The following KDM4B variants were observed in gnomAD, a reference collection of about 807,000 sequenced individuals.
KDM4B encodes lysine demethylase 4B, also known as lysine-specific demethylase 4B.
KDM4B carries 32 observed loss-of-function variants against 125.2 expected under a neutral mutation model. The observed-to-expected ratio is 0.26, with a 90% CI of 0.19 to 0.34. The LOEUF (loss-of-function observed/expected upper bound fraction) is 0.34. Ranked by LOEUF, KDM4B falls within the 10% of genes least tolerant of loss-of-function variation. KDM4B has a pLI of 1.00. For synonymous variants in KDM4B, 721 were observed against 677.9 expected (o/e 1.06, Z -0.99); for missense variants, 1,190 against 1,577.7 (o/e 0.75, Z 4.16).
intron 1 of KDM4B, among the ~76,000 whole-genome samples, chr19:5,004,576 C>T (rs1057504684): frequency 2.6e-5 from 4 of 152,174 alleles, no homozygotes; most frequent in Admixed American, 6.5e-5. Flanking sequence ...CCCTGTGACC[C>T]GGTGTGCATG....
chr19:5,041,219 G>A lies in KDM4B; in HGVS notation c.400G>A (p.Gly134Arg). Residue 134 changes from glycine to arginine, a missense_variant, in exon 5 of 23, where the codon GGG becomes AGG. Gly to Arg is a moderately radical substitution (Grantham distance 125). This residue lies in a region of KDM4B where 139 missense variants were observed against 248.3 expected (regional missense o/e 0.56). Coordinates refer to ENST00000159111, the MANE Select transcript of KDM4B (RefSeq NM_015015.3). The part of the protein sequence containing the change: ...KNLTFVSPIY[G>R]ADISGSLYDD... The stretch of plus-strand genomic sequence containing the variant: ...CCTCACCTTTGTCTCCCCGATCTAC[G>A]GGGCTGACATCAGCGGCTCTTTGTA... 6.2e-7 allele frequency: 1 copy of A among 1,613,110 alleles called. No individual in the cohort carries two copies. The highest frequency in any genetic ancestry group is 1.1e-5 in the South Asian group (1 of 91,056).
chr19:5,031,995 G>A (rs757885594), intron 2 of KDM4B, among the ~76,000 whole-genome samples: 1 of 152,216 alleles, frequency 6.6e-6, no homozygotes, highest in Non-Finnish European at 1.5e-5. Flanking sequence ...CCGAATCCTA[G>A]AGGGATTCTG....
intron 2 of KDM4B, among the ~76,000 whole-genome samples, chr19:5,030,082 G>A (rs1248354669): frequency 6.6e-6 from 1 of 152,224 alleles, no homozygotes; most frequent in Non-Finnish European, 1.5e-5. Context: ...ACCCCACGAG[G>A]TGTGGGGAGC....
At chr19:4,979,622 G>T in intron 1 of KDM4B, among the ~76,000 whole-genome samples, 1 of 152,182 alleles carries the variant, frequency 6.6e-6, no homozygotes, top group East Asian at 1.9e-4. Context: ...AGTCTAGTTG[G>T]CAAGTCTAGA....
chr19:4,972,888 T>G (rs2034309512), intron 1 of KDM4B, among the ~76,000 whole-genome samples: 1 of 152,202 alleles, frequency 6.6e-6, no homozygotes, highest in South Asian at 2.1e-4. Context: ...CTGCACGCCC[T>G]GCAATGAGGG....
chr19:4,990,067 A>T (rs755522870), intron 1 of KDM4B, among the ~76,000 whole-genome samples: 3 of 151,992 alleles, frequency 2.0e-5, no homozygotes, highest in Non-Finnish European at 2.9e-5. Flanking sequence ...AGGTGGGAGG[A>T]TCACTTGAGG....
rs1268369554 is a variant in KDM4B, at chr19:5,035,893, GCGCC to G, written c.141+2863_141+2866del. ...TGTGTGTGTGTGTGCGCGCGCGCGCGCGCCTGCGCGCACAGGAGACTGAGGTGGG... is the reference window on the plus strand; with the variant it reads ...TGTGTGTGTGTGTGCGCGCGCGCGCGTGCGCGCACAGGAGACTGAGGTGGG... On this transcript the variant is annotated intron_variant, in intron 3 of 22. Coordinates refer to ENST00000159111, the MANE Select transcript of KDM4B (RefSeq NM_015015.3). This position sits in a 1 kb window ranked among gnomAD's most constrained non-coding sequence, Gnocchi z 5.3. Among the ~76,000 whole-genome samples the G allele has an allele frequency of 2.1e-5, 3 of 141,306 alleles. No individual in the cohort carries two copies. The highest frequency in any genetic ancestry group is 5.0e-5 in the African/African-American group (2 of 39,800). The allele number at this position is 141,306 out of a possible 152,430, so 92.7% of individuals were successfully genotyped here. A position where few individuals can be genotyped will look rare whatever the true frequency, so the allele number is the denominator to read the frequency against.
intron 9 of KDM4B, among the ~76,000 whole-genome samples, chr19:5,084,150 G>A (rs942667654): frequency 2.6e-5 from 4 of 151,806 alleles, no homozygotes; most frequent in Non-Finnish European, 5.9e-5. Flanking sequence ...GGGAGACTGA[G>A]GCAGGAGAAT....
intron 6 of KDM4B, among the ~76,000 whole-genome samples, chr19:5,062,607 A>C (rs1232988499): frequency 1.3e-5 from 2 of 151,398 alleles, no homozygotes; most frequent in Non-Finnish European, 2.9e-5. Flanking sequence ...GTGGGTTTAG[A>C]GTGTTCTGTT....
chr19:5,069,966 G>C (rs773858121), intron 6 of KDM4B, among the ~76,000 whole-genome samples: 4 of 152,162 alleles, frequency 2.6e-5, no homozygotes, highest in Non-Finnish European at 5.9e-5. Context: ...AGTGGAGCAG[G>C]GGCCGTCTCC....
chr19:5,062,797 T>TTTA (rs1310275209), intron 6 of KDM4B, among the ~76,000 whole-genome samples: 28 of 133,392 alleles, frequency 2.1e-4, no homozygotes, highest in Non-Finnish European at 4.1e-4. Flanking sequence ...TTTTTTTTTT[T>TTTA]AGAGATAGAG....
Position 5,050,949 on chromosome 19 carries a change from T to C in KDM4B, c.626+3280T>C, listed in dbSNP as rs1341160377. On this transcript the variant is annotated intron_variant, in intron 6 of 22. Coordinates refer to ENST00000159111, the MANE Select transcript of KDM4B (RefSeq NM_015015.3). ...AAAAAGACCCTCCTGGAACCTGGGG[T>C]GGGGGTGGTTTAGCCGAGCTGACCC... Among the ~76,000 whole-genome samples the C allele has an allele frequency of 8.5e-5, 13 of 152,064 alleles. No individual in the cohort carries two copies. The East Asian group carries it at 2.5e-3, about 30-fold the overall frequency.
At position 5,131,224 on chromosome 19, in the gene KDM4B, G is replaced by C. The variant is rs201033828; in HGVS notation, c.1464G>C (p.Pro488=). The C allele has an allele frequency of 1.9e-6, 3 of 1,606,604 alleles. No homozygotes were observed. Among genetic ancestry groups the C allele is most frequent in the South Asian group, 2.2e-5 (2 of 90,370 alleles). Reference sequence around the variant, plus strand: ...GGCTGCCATCCCCACTGGAGCCCCCGGTGCTGGGCCCAGGCCCTGCAGCCA... The same window carrying C: ...GGCTGCCATCCCCACTGGAGCCCCCCGTGCTGGGCCCAGGCCCTGCAGCCA... ...ALWLPSPLEP[P]VLGPGPAAME... is the part of the protein sequence containing the mutation. Residue 488 remains proline (P), a synonymous_variant, in exon 12 of 23, where the codon CCG becomes CCC. Coordinates refer to ENST00000159111, the MANE Select transcript of KDM4B (RefSeq NM_015015.3).
At chr19:5,092,069 G>A (rs572033873) in intron 9 of KDM4B, among the ~76,000 whole-genome samples, 27 of 152,342 alleles carry the variant, frequency 1.8e-4, no homozygotes, top group Admixed American at 1.2e-3. Flanking sequence ...AAGACCAGGC[G>A]GAGCGGATCC....
intron 11 of KDM4B, among the ~76,000 whole-genome samples, chr19:5,120,087 T>A (rs1281090802): frequency 6.6e-6 from 1 of 152,234 alleles, no homozygotes; most frequent in Non-Finnish European, 1.5e-5. Context: ...CCAGGCGCAG[T>A]GGCTCCCACC....
At chr19:5,014,268 C>T (rs2035820775) in intron 1 of KDM4B, among the ~76,000 whole-genome samples, 1 of 152,084 alleles carries the variant, frequency 6.6e-6, no homozygotes, top group South Asian at 2.1e-4. Context: ...CCACACCCGG[C>T]TAAGTGTTTT....
At chr19:5,048,965 G>A (rs2037130765) in intron 6 of KDM4B, among the ~76,000 whole-genome samples, 1 of 152,222 alleles carries the variant, frequency 6.6e-6, no homozygotes, top group South Asian at 2.1e-4. Context: ...GGACTTCAGT[G>A]CCAAGGACTG....
intron 9 of KDM4B, among the ~76,000 whole-genome samples, chr19:5,088,660 CCCCCT>C (rs2038585703): frequency 2.0e-5 from 2 of 101,656 alleles, no homozygotes; most frequent in African/African-American, 7.2e-5. Context: ...GCCAGGCCCC[CCCCCT>C]CCCCCCCCCC....
intron 21 of KDM4B, 32 bp downstream of exon 21, chr19:5,144,934 C>T: frequency 6.2e-7 from 1 of 1,612,004 alleles, no homozygotes; most frequent in Non-Finnish European, 8.5e-7. Context: ...CGCGCCATGC[C>T]TTCACCAAGC....
Sources: allele counts gnomAD v4.1 joint callset (sites outside exome capture counted in the v4.1 genomes callset), GRCh38; gene constraint gnomAD v4.1.1; regional missense constraint gnomAD v4.1.1; non-coding constraint Gnocchi (gnomAD v3.1); transcripts MANE v1.5; gene names NCBI Gene and HGNC (gene_info 2026-07-23, HGNC 2026-07-21).